The following WDR25 variants were observed in gnomAD, a reference collection of about 807,000 sequenced individuals.
The protein encoded by WDR25 is WD repeat domain 25, also known as WD repeat-containing protein 25.
Under a neutral mutation model 47.7 loss-of-function variants are expected in WDR25, and 35 were observed. That is an observed-to-expected ratio of 0.73 (90% CI 0.56 to 0.97). The LOEUF is 0.97. Among genes scored for constraint, WDR25 ranks in the 50% least tolerant of loss-of-function variants. WDR25 has a pLI of 0.00. For missense variants in WDR25, 634 were observed against 704.7 expected (o/e 0.90, Z 1.14); for synonymous variants, 248 against 278.9 (o/e 0.89, Z 1.10).
rs976672543 is a variant in WDR25, at chr14:100,525,104, G to T, written c.1102-766G>T. 6.6e-6 allele frequency among the ~76,000 whole-genome samples: 1 copy of T among 152,164 alleles called. No homozygotes were observed. The highest frequency in any genetic ancestry group is 1.5e-5 in the Non-Finnish European group (1 of 68,028). ...CCTTGCTGCGCTTCCATGGCTGCGCGTGGGTGCCCAGCATGTTATTTCCAT... is the reference window on the plus strand; with the variant it reads ...CCTTGCTGCGCTTCCATGGCTGCGCTTGGGTGCCCAGCATGTTATTTCCAT... On this transcript the variant is annotated intron_variant, in intron 4 of 6. Transcript: ENST00000402312. This position sits in a 1 kb window ranked among gnomAD's most constrained non-coding sequence, Gnocchi z 4.6.
intron 2 of WDR25, among the ~76,000 whole-genome samples, chr14:100,418,309 T>A (rs1897926488): frequency 6.6e-6 from 1 of 151,220 alleles, no homozygotes. Flanking sequence ...CACCTAGCAC[T>A]GGCCTTTCTG....
At chr14:100,509,342 G>A (rs1049804939) in intron 4 of WDR25, among the ~76,000 whole-genome samples, 1 of 151,984 alleles carries the variant, frequency 6.6e-6, no homozygotes, top group Non-Finnish European at 1.5e-5. Context: ...TATCTAAATT[G>A]TCAAATTTAT....
chr14:100,477,813 C>T (rs370261707), intron 3 of WDR25, among the ~76,000 whole-genome samples: 2 of 152,174 alleles, frequency 1.3e-5, no homozygotes, highest in East Asian at 1.9e-4. Flanking sequence ...GTATCCCAGC[C>T]GGGCGCCGTG....
intron 2 of WDR25, among the ~76,000 whole-genome samples, chr14:100,436,875 G>A (rs1898516406): frequency 6.6e-6 from 1 of 152,230 alleles, no homozygotes; most frequent in East Asian, 1.9e-4. Context: ...AGAGGGCCTT[G>A]GTTTGCTAGG....
intron 2 of WDR25, among the ~76,000 whole-genome samples, chr14:100,458,115 T>A (rs1899263675): frequency 6.6e-6 from 1 of 152,106 alleles, no homozygotes; most frequent in Admixed American, 6.5e-5. Context: ...GATTGTTAGG[T>A]TGGATAAAAA....
chr14:100,481,107 A>AAAAAAAAAAAAAAAAAAAAAAAAAAAG, intron 3 of WDR25: 1 of 52,222 alleles, frequency 1.9e-5, no homozygotes, highest in Non-Finnish European at 4.3e-5. Flanking sequence ...AAAGTGCAAA[A>AAAAAAAAAAAAAAAAAAAAAAAAAAAG]AAAAAAAAAA....
rs929427793 is a variant in WDR25 at position 100,404,475 on chromosome 14, C to T, written c.822+22729C>T. On this transcript the variant is annotated intron_variant, in intron 2 of 6. Coordinates refer to ENST00000402312, the MANE Select transcript of WDR25 (RefSeq NM_001161476.3). This position sits in a 1 kb window ranked among gnomAD's most constrained non-coding sequence, Gnocchi z 4.6. ...GTGGTTTTCACCTTGACCTTACCAC[C>T]ATGGGAGGCAGAGCGCACACCCCTC... Among the ~76,000 whole-genome samples, 7 of 152,214 alleles carry T rather than the reference C, an allele frequency of 4.6e-5. No individual in the cohort carries two copies. The highest frequency in any genetic ancestry group is 1.0e-4 in the Non-Finnish European group (7 of 68,038).
intron 3 of WDR25, among the ~76,000 whole-genome samples, chr14:100,480,012 A>C (rs1384199301): frequency 6.6e-6 from 1 of 152,242 alleles, no homozygotes; most frequent in Non-Finnish European, 1.5e-5. Context: ...TGTCTTCCAC[A>C]AAACCTGTCC....
At position 100,381,202 on chromosome 14, in the gene WDR25, G is replaced by C. The variant is rs748840687; in HGVS notation, c.278G>C (p.Ser93Thr). Residue 93 changes from serine (S) to threonine (T), a missense_variant, in exon 2 of 7, where the codon AGC becomes ACC. Coordinates refer to ENST00000402312, the MANE Select transcript of WDR25 (RefSeq NM_001161476.3). ...AGAAGCGATTGGGGATCTTGCCCCA[G>C]CCAGAGGCTACAGTGGCCCGGGAAG... ...LGRSDWGSCP[S>T]QRLQWPGKEP... 15 of 1,614,180 alleles carry C rather than the reference G, an allele frequency of 9.3e-6. No individual in the cohort carries two copies. The South Asian group carries it at 1.4e-4, about 15-fold the overall frequency.
chr14:100,380,776 G>A (rs1869703551), intron 1 of WDR25, 134 bp from the exon 2 acceptor site: 1 of 841,134 alleles, frequency 1.2e-6, no homozygotes, highest in Non-Finnish European at 1.8e-6. Context: ...TTACAGGCGT[G>A]AGCCACCACG....
intron 2 of WDR25, among the ~76,000 whole-genome samples, chr14:100,413,135 G>C (rs1213934211): frequency 6.6e-6 from 1 of 152,140 alleles, no homozygotes; most frequent in African/African-American, 2.4e-5. Context: ...TGGCCTGAAT[G>C]TTTTTAATTT....
At chr14:100,478,410 C>T (rs1481245217) in intron 3 of WDR25, among the ~76,000 whole-genome samples, 2 of 152,232 alleles carry the variant, frequency 1.3e-5, no homozygotes, top group African/African-American at 4.8e-5. Context: ...TCAGCTATAC[C>T]ATCTCCTGCT....
chr14:100,454,307 C>G (rs1899132389), intron 2 of WDR25, among the ~76,000 whole-genome samples: 1 of 152,128 alleles, frequency 6.6e-6, no homozygotes, highest in African/African-American at 2.4e-5. Flanking sequence ...TACCAGAAGG[C>G]TGGGTGTGGA....
At chr14:100,414,189 G>T (rs565057265) in intron 2 of WDR25, among the ~76,000 whole-genome samples, 3 of 151,956 alleles carry the variant, frequency 2.0e-5, no homozygotes, top group Non-Finnish European at 2.9e-5. Context: ...GTAGAGACGA[G>T]GTCTCACTAT....
chr14:100,402,875 A>G (rs1897420824), intron 2 of WDR25, among the ~76,000 whole-genome samples: 1 of 152,268 alleles, frequency 6.6e-6, no homozygotes, highest in South Asian at 2.1e-4. Context: ...ATAAAATGCC[A>G]TAGGGATGAG....
intron 2 of WDR25, among the ~76,000 whole-genome samples, chr14:100,466,701 A>G (rs547304401): frequency 1.3e-5 from 2 of 152,280 alleles, no homozygotes; most frequent in South Asian, 4.2e-4. Flanking sequence ...ATCAGGTGGG[A>G]GGCACTCCGT....
In WDR25 at chr14:100,405,289, G is replaced by A. The variant is rs535044675; in HGVS notation, c.822+23543G>A. 1.3e-4 allele frequency among the ~76,000 whole-genome samples: 20 copies of A among 152,106 alleles called. No individual in the cohort carries two copies. In the South Asian group the frequency reaches 2.7e-3, roughly 20 times the overall value. On this transcript the variant is annotated intron_variant, in intron 2 of 6. Coordinates refer to ENST00000402312, the MANE Select transcript of WDR25 (RefSeq NM_001161476.3). ...GGATTCTCCTGCCTCAGCCTCCTGA[G>A]TAGCTGGGATTACAGGCATGCACCA...
In WDR25 at chr14:100,424,213, GC is replaced by G. The variant is rs1374332096; in HGVS notation, c.822+42470del. On this transcript the variant is annotated intron_variant, in intron 2 of 6. Transcript: ENST00000402312. The surrounding 1 kb of genome is among the most constrained non-coding windows in gnomAD (Gnocchi z 4.2). ...TGTTCCTGAGCCCAGGCACTTCGATGCCCACACTACTTCCAGGGAGCTGAGT... is the reference window on the plus strand; with the variant it reads ...TGTTCCTGAGCCCAGGCACTTCGATGCCACACTACTTCCAGGGAGCTGAGT... Among the ~76,000 whole-genome samples the G allele has an allele frequency of 2.6e-5, 4 of 152,334 alleles. No individual in the cohort carries two copies. Among genetic ancestry groups the G allele is most frequent in the South Asian group, 4.1e-4 (2 of 4,832 alleles).
chr14:100,439,879 G>A (rs565376265), intron 2 of WDR25, among the ~76,000 whole-genome samples: 25 of 152,196 alleles, frequency 1.6e-4, no homozygotes, highest in Middle Eastern at 3.2e-3. Context: ...TGCTGCAGTG[G>A]ATGGGAGTGA....
Sources: gnomAD v4.1 joint callset for allele counts (sites outside exome capture counted in the v4.1 genomes callset) on GRCh38, gnomAD v4.1.1 for gene constraint, Gnocchi (gnomAD v3.1) non-coding constraint, MANE v1.5 for transcripts, NCBI Gene and HGNC (gene_info 2026-07-23, HGNC 2026-07-21) for gene names.